OR6A2: variants seen among roughly 807,000 people sequenced by gnomAD.
The protein encoded by OR6A2 is olfactory receptor family 6 subfamily A member 2, also known as olfactory receptor 6A2.
Under a neutral mutation model 7.1 loss-of-function variants are expected in OR6A2, and 6 were observed. That is an observed-to-expected ratio of 0.85 (90% confidence interval 0.46 to 1.68). The LOEUF is 1.68. OR6A2 is among the 40% of genes most tolerant of loss of function. OR6A2 has a pLI of 0.01. For synonymous variants in OR6A2, 162 were observed against 152.1 expected, an observed-to-expected ratio of 1.06 and a Z score of -0.48; for missense variants, 431 against 398.0, an observed-to-expected ratio of 1.08 and a Z score of -0.71.
rs1847739695 is a variant in OR6A2 at position 6,795,578 on chromosome 11, G to A, written c.131C>T (p.Thr44Ile). 5.0e-6 allele frequency: 8 copies of A among 1,613,982 alleles called. No individual in the cohort carries two copies. Among genetic ancestry groups the A allele is most frequent in the Middle Eastern group, 3.3e-4 (2 of 6,084 alleles). Reference protein sequence around the residue: ...LAYVLVLTENTLIIMAIRNHS... With the variant: ...LAYVLVLTENILIIMAIRNHS... ...GTTCCTAATTGCCATAATGATGAGTGTGTTCTCAGTCAGCACCAACACATA... is the reference window on the plus strand; with the variant it reads ...GTTCCTAATTGCCATAATGATGAGTATGTTCTCAGTCAGCACCAACACATA... Residue 44 changes from threonine (T) to isoleucine (I), a missense_variant, in exon 2 of 2, where the codon ACA becomes ATA. By Grantham distance (89) the Thr-to-Ile change is moderately conservative. Coordinates refer to ENST00000641196, the MANE Select transcript of OR6A2 (RefSeq NM_003696.3).
At chr11:6,797,335 C>G (rs141876079) in intron 1 of OR6A2, among the ~76,000 whole-genome samples, 2 of 152,288 alleles carry the variant, frequency 1.3e-5, no homozygotes, top group Non-Finnish European at 2.9e-5. Context: ...AGGGGCATAT[C>G]TTCACCTTCT....
At position 6,794,088 on chromosome 11, in the gene OR6A2, T is replaced by C. The variant is rs1554921891; in HGVS notation, c.*637A>G. 6.5e-6 allele frequency: 1 copy of C among 152,702 alleles called. No homozygotes were observed. Among genetic ancestry groups the C allele is most frequent in the Non-Finnish European group, 1.5e-5 (1 of 68,434 alleles). The allele number at this position is 152,702 out of a possible 1,614,324, so 9.5% of individuals were successfully genotyped here. On this transcript the variant is annotated 3_prime_UTR_variant, in exon 2 of 2. Coordinates refer to ENST00000641196, the MANE Select transcript of OR6A2 (RefSeq NM_003696.3). ...GGTTCCAAACTATATTCATTCATTATACATATTCATAGCCATCATGCACTA... is the reference window on the plus strand; with the variant it reads ...GGTTCCAAACTATATTCATTCATTACACATATTCATAGCCATCATGCACTA...
chr11:6,793,776 T>C lies in OR6A2; in HGVS notation c.*949A>G, dbSNP rs1232085732. The C allele has an allele frequency of 6.6e-6, 1 of 152,216 alleles. No individual in the cohort carries two copies. The highest frequency in any genetic ancestry group is 1.5e-5 in the Non-Finnish European group (1 of 68,032). 9.4% of individuals were successfully genotyped at this position (152,216 alleles called of 1,614,324 possible). On this transcript the variant is annotated 3_prime_UTR_variant, in exon 2 of 2. Coordinates refer to ENST00000641196, the MANE Select transcript of OR6A2 (RefSeq NM_003696.3). ...TCTGCATAGTTTTCCATGTAACATATGAGCTACAATTTATTTGACCAGTGC... is the reference window on the plus strand; with the variant it reads ...TCTGCATAGTTTTCCATGTAACATACGAGCTACAATTTATTTGACCAGTGC...
At position 6,794,600 on chromosome 11, in the gene OR6A2, C is replaced by T. The variant is rs560793389; in HGVS notation, c.*125G>A. 149 of 1,248,536 alleles carry T rather than the reference C, an allele frequency of 1.2e-4. No homozygotes were observed. The African/African-American group carries it at 2.0e-3, about 17-fold the overall frequency. The allele number at this position is 1,248,536 out of a possible 1,614,324, so 77.3% of individuals were successfully genotyped here. A position where few individuals can be genotyped will look rare whatever the true frequency, so the allele number is the denominator to read the frequency against. On this transcript the variant is annotated 3_prime_UTR_variant, in exon 2 of 2. Transcript: ENST00000641196. ...TCTTGGACTAGTTAAAGAAAGTATT[C>T]CTAGTTCCATAGTGATGCCTTTGAA...
rs2133033675 is a variant in OR6A2 at position 6,793,537 on chromosome 11, A to G, written c.*1188T>C. ...GCTAAGAAAAAAAGCATTTAAATAAATATATTGATGGCAATGCTTAGCCAC... is the reference window on the plus strand; with the variant it reads ...GCTAAGAAAAAAAGCATTTAAATAAGTATATTGATGGCAATGCTTAGCCAC... On this transcript the variant is annotated 3_prime_UTR_variant, in exon 2 of 2. Coordinates refer to ENST00000641196, the MANE Select transcript of OR6A2 (RefSeq NM_003696.3). 6.6e-6 allele frequency: 1 copy of G among 152,302 alleles called. No individual in the cohort carries two copies. The highest frequency in any genetic ancestry group is 1.5e-5 in the Non-Finnish European group (1 of 68,016). 9.4% of individuals were successfully genotyped at this position (152,302 alleles called of 1,614,324 possible).
Position 6,795,334 on chromosome 11 carries a change from A to G in OR6A2, c.375T>C (p.Tyr125=). Reference sequence around the variant, plus strand: ...GATAGCAGATGGCCATATAGCGATCATAGGCCATAACAGCGAGAAGGACAC... The same window carrying G: ...GATAGCAGATGGCCATATAGCGATCGTAGGCCATAACAGCGAGAAGGACAC... The part of the protein sequence containing the change: ...TECVLLAVMA[Y]DRYMAICYPL... Residue 125 remains tyrosine, a synonymous_variant, in exon 2 of 2, where the codon TAT becomes TAC. Coordinates refer to ENST00000641196, the MANE Select transcript of OR6A2 (RefSeq NM_003696.3). The G allele has an allele frequency of 6.2e-7, 1 of 1,614,100 alleles. No homozygotes were observed. The highest frequency in any genetic ancestry group is 8.5e-7 in the Non-Finnish European group (1 of 1,180,006).
chr11:6,793,561 A>C lies in OR6A2; in HGVS notation c.*1164T>G, dbSNP rs1847712804. 6.6e-6 allele frequency: 1 copy of C among 152,328 alleles called. No homozygotes were observed. The highest frequency in any genetic ancestry group is 2.4e-5 in the African/African-American group (1 of 41,594). The allele number at this position is 152,328 out of a possible 1,614,324, so 9.4% of individuals were successfully genotyped here. On this transcript the variant is annotated 3_prime_UTR_variant, in exon 2 of 2. Transcript: ENST00000641196. ...AATATATTGATGGCAATGCTTAGCC[A>C]CAGAATGCAATTTACAGGTGTAAGC...
chr11:6,798,810 T>C (rs2741844), intron 1 of OR6A2, among the ~76,000 whole-genome samples: 1 of 152,024 alleles, frequency 6.6e-6, no homozygotes, highest in African/African-American at 2.4e-5. Context: ...CCCTCCAAAA[T>C]TACCCATATT....
At position 6,795,277 on chromosome 11, in the gene OR6A2, C is replaced by T. The variant is rs140533065; in HGVS notation, c.432G>A (p.Arg144=). Residue 144 remains arginine, a synonymous_variant, in exon 2 of 2, where the codon CGG becomes CGA. Transcript: ENST00000641196. ...PLHYPVIVSG[R]LCVQMAAGSW... ...AGCCAGCAGCCATCTGCACACACAG[C>T]CGGCCACTGACAATGACTGGGTAGT... 12 of 1,613,916 alleles carry T rather than the reference C, an allele frequency of 7.4e-6. No individual in the cohort carries two copies. The African/African-American group carries it at 1.6e-4, about 22-fold the overall frequency.
Position 6,795,762 on chromosome 11 carries a change from A to G in OR6A2, c.-54T>C. 1 of 1,551,834 alleles carries G rather than the reference A, an allele frequency of 6.4e-7. No homozygotes were observed. The highest frequency in any genetic ancestry group is 1.2e-5 in the South Asian group (1 of 86,774). ...GAGATGAGAGTAGAGAGTCTTCAGTAGGCCACAACAAGAACCCAGCCTTTC... is the reference window on the plus strand; with the variant it reads ...GAGATGAGAGTAGAGAGTCTTCAGTGGGCCACAACAAGAACCCAGCCTTTC... On this transcript the variant is annotated 5_prime_UTR_variant, in exon 2 of 2. Transcript: ENST00000641196.
At position 6,795,076 on chromosome 11, in the gene OR6A2, A is replaced by G. The variant is rs746416762; in HGVS notation, c.633T>C (p.Ile211=). The change falls in exon 2 of 2, where the codon ATT becomes ATC. Residue 211 remains isoleucine (I), a synonymous_variant. Coordinates refer to ENST00000641196, the MANE Select transcript of OR6A2 (RefSeq NM_003696.3). ...ELTDFILAIF[I]LLGPLSVTGA... Reference sequence around the variant, plus strand: ...CAGTGACAGAGAGTGGCCCTAGAAGAATAAAAATGGCCAGGATGAAATCTG... The same window carrying G: ...CAGTGACAGAGAGTGGCCCTAGAAGGATAAAAATGGCCAGGATGAAATCTG... 1 of 1,614,132 alleles carries G rather than the reference A, an allele frequency of 6.2e-7. No individual in the cohort carries two copies. The highest frequency in any genetic ancestry group is 8.5e-7 in the Non-Finnish European group (1 of 1,180,008).
chr11:6,796,551 C>T (rs1847750922), intron 1 of OR6A2, among the ~76,000 whole-genome samples: 1 of 152,078 alleles, frequency 6.6e-6, no homozygotes, highest in South Asian at 2.1e-4. Context: ...CCAGTACTTA[C>T]AAGGAAGACA....
At chr11:6,795,950 C>G in intron 1 of OR6A2, 66 bp from the exon 2 acceptor site, 1 of 445,574 alleles carries the variant, frequency 2.2e-6, no homozygotes, top group Non-Finnish European at 4.0e-6. Flanking sequence ...GGAGTCTGTT[C>G]TGACCTTTGG....
At position 6,794,804 on chromosome 11, in the gene OR6A2, AC is replaced by A; in HGVS notation, c.904del (p.Val302SerfsTer31). The A allele has an allele frequency of 6.2e-7, 1 of 1,614,032 alleles. No individual in the cohort carries two copies. The highest frequency in any genetic ancestry group is 8.5e-7 in the Non-Finnish European group (1 of 1,179,978). On this transcript the variant is annotated frameshift_variant, in exon 2 of 2. Transcript: ENST00000641196. LOFTEE classifies it low-confidence loss of function (END_TRUNC). ...PIIYCLRNQE[V>X]KRALCCTLHL... The stretch of plus-strand genomic sequence containing the variant: ...CAGAGTACAGCATAGGGCTCTCTTG[AC>A]CTCTTGATTGCGCAGGCAGTAAATG...
In OR6A2 at chr11:6,792,743, A is replaced by G. The variant is rs576266242; in HGVS notation, c.*1982T>C. On this transcript the variant is annotated 3_prime_UTR_variant, in exon 2 of 2. Coordinates refer to ENST00000641196, the MANE Select transcript of OR6A2 (RefSeq NM_003696.3). ...TGGGGGATACTTAATCTGATAATCA[A>G]TACTTCACATGAAAAAGTTTACAAA... is the stretch of plus-strand genomic sequence containing the variant. 3 of 152,292 alleles carry G rather than the reference A, an allele frequency of 2.0e-5. No homozygotes were observed. The highest frequency in any genetic ancestry group is 7.2e-5 in the African/African-American group (3 of 41,570). The allele number at this position is 152,292 out of a possible 1,614,324, so 9.4% of individuals were successfully genotyped here. A position where few individuals can be genotyped will look rare whatever the true frequency, so the allele number is the denominator to read the frequency against.
In OR6A2 at chr11:6,795,007, A is replaced by C. The variant is rs746326761; in HGVS notation, c.702T>G (p.Pro234=). ...AGGCCTTATAGCGTCCAGCAGCCGA[A>C]GGAATGTGCATCACAGCACCAGTAA... is the stretch of plus-strand genomic sequence containing the variant. ...VAITGAVMHI[P]SAAGRYKAFS... is the part of the protein sequence containing the mutation. Residue 234 remains proline (P), a synonymous_variant, in exon 2 of 2, where the codon CCT becomes CCG. Coordinates refer to ENST00000641196, the MANE Select transcript of OR6A2 (RefSeq NM_003696.3). The C allele has an allele frequency of 6.2e-7, 1 of 1,614,162 alleles. No individual in the cohort carries two copies. The highest frequency in any genetic ancestry group is 8.5e-7 in the Non-Finnish European group (1 of 1,180,012).
rs1197390006 is a variant in OR6A2, at chr11:6,791,818, T to C, written c.*2907A>G. 1 of 152,238 alleles carries C rather than the reference T, an allele frequency of 6.6e-6. No homozygotes were observed. The highest frequency in any genetic ancestry group is 1.5e-5 in the Non-Finnish European group (1 of 68,036). 9.4% of individuals were successfully genotyped at this position (152,238 alleles called of 1,614,324 possible). ...TAGGCTTACAGAAAAATTGCAAAGA[T>C]GCTAAAGAGAGTTTTTCACACACCC... is the stretch of plus-strand genomic sequence containing the variant. On this transcript the variant is annotated 3_prime_UTR_variant, in exon 2 of 2. Coordinates refer to ENST00000641196, the MANE Select transcript of OR6A2 (RefSeq NM_003696.3).
At position 6,793,222 on chromosome 11, in the gene OR6A2, G is replaced by C. The variant is rs1847708865; in HGVS notation, c.*1503C>G. On this transcript the variant is annotated 3_prime_UTR_variant, in exon 2 of 2. Transcript: ENST00000641196. ...ACAACAAGATACTTATACTGTTTAG[G>C]CACAAATAGATATGCACATTATATT... 1 of 152,052 alleles carries C rather than the reference G, an allele frequency of 6.6e-6. No individual in the cohort carries two copies. Among genetic ancestry groups the C allele is most frequent in the Non-Finnish European group, 1.5e-5 (1 of 68,008 alleles). 9.4% of individuals were successfully genotyped at this position (152,052 alleles called of 1,614,324 possible).
In OR6A2 at chr11:6,793,417, T is replaced by A. The variant is rs988488797; in HGVS notation, c.*1308A>T. 6.6e-6 allele frequency: 1 copy of A among 152,188 alleles called. No individual in the cohort carries two copies. The highest frequency in any genetic ancestry group is 2.1e-4 in the South Asian group (1 of 4,826). The allele number at this position is 152,188 out of a possible 1,614,324, so 9.4% of individuals were successfully genotyped here. On this transcript the variant is annotated 3_prime_UTR_variant, in exon 2 of 2. Transcript: ENST00000641196. Reference sequence around the variant, plus strand: ...TTCACTGTCTTCAGAGTTCTGGTTGTCGGGTGACAGTAGGGAGCTAAATTT... The same window carrying A: ...TTCACTGTCTTCAGAGTTCTGGTTGACGGGTGACAGTAGGGAGCTAAATTT...
Sources: allele counts gnomAD v4.1 joint callset (sites outside exome capture counted in the v4.1 genomes callset), GRCh38; gene constraint gnomAD v4.1.1; transcripts MANE v1.5; gene names NCBI Gene and HGNC (gene_info 2026-07-23, HGNC 2026-07-21).